The following LARGE1 variants were observed in gnomAD, a reference collection of about 807,000 sequenced individuals.
The protein encoded by LARGE1 is xylosyl- and glucuronyltransferase LARGE1.
In LARGE1, 43 loss-of-function variants were observed where a neutral mutation model predicts 87.6. The ratio of observed to expected loss-of-function variants is 0.49; its 90% confidence interval spans 0.38 to 0.63. The LOEUF (loss-of-function observed/expected upper bound fraction) is 0.63. Ranked by LOEUF, LARGE1 falls within the 30% of genes least tolerant of loss-of-function variation. LARGE1 has a pLI of 0.00. For missense variants in LARGE1, 802 were observed against 1,000.2 expected (o/e 0.80, Z 2.67); for synonymous variants, 434 against 394.6 (o/e 1.10, Z -1.18).
chr22:33,298,864 A>T (rs1408374542), intron 12 of LARGE1, among the ~76,000 whole-genome samples: 1 of 151,790 alleles, frequency 6.6e-6, no homozygotes, highest in Non-Finnish European at 1.5e-5. Flanking sequence ...GAAGAAAGAA[A>T]AGAAAAAAGA....
chr22:33,076,548 A>G, the LARGE1 span, among the ~76,000 whole-genome samples: 1 of 152,214 alleles, frequency 6.6e-6, no homozygotes, highest in Non-Finnish European at 1.5e-5. Flanking sequence ...GGAAAACTTC[A>G]GATTTATTCT....
chr22:33,157,123 T>C, the LARGE1 span, among the ~76,000 whole-genome samples: 1 of 152,232 alleles, frequency 6.6e-6, no homozygotes, highest in Non-Finnish European at 1.5e-5. Flanking sequence ...AATGGACTAA[T>C]ATCATAGTTA....
chr22:33,215,922 C>T (rs377314475), intron 11 of LARGE1, among the ~76,000 whole-genome samples: 8 of 152,306 alleles, frequency 5.3e-5, no homozygotes, highest in Admixed American at 1.3e-4. Context: ...TACCACTTCA[C>T]TCCAGCCTGG....
At chr22:33,416,608 C>G (rs1195701524) in intron 7 of LARGE1, among the ~76,000 whole-genome samples, 1 of 151,902 alleles carries the variant, frequency 6.6e-6, no homozygotes, top group East Asian at 1.9e-4. Flanking sequence ...TTCTTTTTTA[C>G]TTTCTTTTTT....
At position 33,663,484 on chromosome 22, in the gene LARGE1, G is replaced by A. The variant is rs1202919458; in HGVS notation, c.107-12816C>T. Among the ~76,000 whole-genome samples, 5 of 152,272 alleles carry A rather than the reference G, an allele frequency of 3.3e-5. No individual in the cohort carries two copies. In the East Asian group the frequency reaches 9.7e-4, roughly 29 times the overall value. ...AAGCTGAGAGGAATGATGCGCTTGA[G>A]TGCAGGAAGTAACAGGTGCAGAGGA... is the stretch of plus-strand genomic sequence containing the variant. On this transcript the variant is annotated intron_variant, in intron 2 of 14. Transcript: ENST00000397394.
chr22:33,475,248 CCAGT>C (rs1214873638), intron 6 of LARGE1, among the ~76,000 whole-genome samples: 1 of 151,930 alleles, frequency 6.6e-6, no homozygotes, highest in African/African-American at 2.4e-5. Context: ...CATCACTTTA[CCAGT>C]CAAAGGCAAG....
chr22:33,503,129 G>A (rs776770683), intron 6 of LARGE1, among the ~76,000 whole-genome samples: 1 of 152,134 alleles, frequency 6.6e-6, no homozygotes, highest in African/African-American at 2.4e-5. Flanking sequence ...TAAAAGGGAT[G>A]TGGGAAAGGT....
chr22:33,348,289 C>CCA (rs1569081859), intron 9 of LARGE1, among the ~76,000 whole-genome samples: 73 of 124,034 alleles, frequency 5.9e-4, no homozygotes, highest in African/African-American at 1.1e-3. Flanking sequence ...CACCCCCCCC[C>CCA]AAAAAAAAAG....
chr22:33,498,813 T>C (rs2070284974), intron 6 of LARGE1, among the ~76,000 whole-genome samples: 1 of 151,726 alleles, frequency 6.6e-6, no homozygotes, highest in African/African-American at 2.4e-5. Flanking sequence ...CTACTAAAAA[T>C]ACAAAAAATT....
At chr22:33,899,338 A>C (rs1433162389) in intron 1 of LARGE1, among the ~76,000 whole-genome samples, 1 of 152,228 alleles carries the variant, frequency 6.6e-6, no homozygotes, top group Non-Finnish European at 1.5e-5. Flanking sequence ...GGTTTAACGG[A>C]TCATCAAAGC....
chr22:33,493,393 T>C (rs1007478670), intron 6 of LARGE1, among the ~76,000 whole-genome samples: 1 of 152,064 alleles, frequency 6.6e-6, no homozygotes, highest in Non-Finnish European at 1.5e-5. Flanking sequence ...ACTCCTGACC[T>C]CAGGTGATCC....
the LARGE1 span, among the ~76,000 whole-genome samples, chr22:33,095,455 A>G: frequency 2.6e-3 from 401 of 152,308 alleles, no homozygotes; most frequent in African/African-American, 9.1e-3. Context: ...CCCTACTCCA[A>G]TATGATTTCA....
chr22:33,640,999 C>G (rs941129570), intron 3 of LARGE1, among the ~76,000 whole-genome samples: 1 of 152,194 alleles, frequency 6.6e-6, no homozygotes, highest in Non-Finnish European at 1.5e-5. Context: ...CTTCAGCGGA[C>G]TTAAACATTC....
chr22:33,456,207 CA>C (rs2068124117), intron 6 of LARGE1, among the ~76,000 whole-genome samples: 1 of 152,200 alleles, frequency 6.6e-6, no homozygotes, highest in Admixed American at 6.5e-5. Flanking sequence ...GAACAACCCA[CA>C]AAGGTTCTTG....
At chr22:33,748,136 T>G (rs895306698) in intron 2 of LARGE1, among the ~76,000 whole-genome samples, 4 of 80,998 alleles carry the variant, frequency 4.9e-5, no homozygotes, top group Admixed American at 1.0e-4. Context: ...TGCAGGTTTG[T>G]TTTTTTTTTT....
At chr22:33,368,319 A>G (rs2064671025) in intron 9 of LARGE1, among the ~76,000 whole-genome samples, 1 of 152,130 alleles carries the variant, frequency 6.6e-6, no homozygotes, top group African/African-American at 2.4e-5. Context: ...CGATCACCTG[A>G]GGTCAAGAGT....
chr22:33,778,942 C>T (rs1248137726), intron 1 of LARGE1, among the ~76,000 whole-genome samples: 1 of 152,192 alleles, frequency 6.6e-6, no homozygotes, highest in Non-Finnish European at 1.5e-5. Flanking sequence ...TGAGCCACCG[C>T]ACCCAGCCTA....
chr22:33,433,363 G>A (rs959071406), intron 6 of LARGE1, among the ~76,000 whole-genome samples: 10 of 152,032 alleles, frequency 6.6e-5, no homozygotes, highest in South Asian at 2.1e-4. Flanking sequence ...TTGGGAGGCC[G>A]GGATGGGCGG....
At chr22:33,658,714 T>C (rs2081040183) in intron 2 of LARGE1, among the ~76,000 whole-genome samples, 1 of 152,182 alleles carries the variant, frequency 6.6e-6, no homozygotes, top group African/African-American at 2.4e-5. Flanking sequence ...TTGATTCCAG[T>C]CTTTGCTATT....
Sources: allele counts gnomAD v4.1 joint callset (sites outside exome capture counted in the v4.1 genomes callset), GRCh38; gene constraint gnomAD v4.1.1; transcripts MANE v1.5; gene names NCBI Gene and HGNC (gene_info 2026-07-23, HGNC 2026-07-21).